Variants in RORA observed in about 807,000 individuals in gnomAD.
RORA encodes RAR related orphan receptor A.
In RORA, 7 loss-of-function variants were observed where a neutral mutation model predicts 69.5. The observed-to-expected ratio is 0.10, with a 90% CI of 0.06 to 0.19. The LOEUF (loss-of-function observed/expected upper bound fraction) is 0.19, where lower values mean the gene tolerates loss of function less well. Ranked by LOEUF, RORA falls within the 10% of genes least tolerant of loss-of-function variation. The probability of loss-of-function intolerance (pLI) is 1.00; values close to 1 mark genes in which losing one functional copy is unlikely to be tolerated. For missense variants in RORA, 457 were observed against 663.0 expected (o/e 0.69, Z 3.41); for synonymous variants, 261 against 240.8 (o/e 1.08, Z -0.78).
At chr15:60,988,257 G>C (rs1894269439) in intron 1 of RORA, among the ~76,000 whole-genome samples, 1 of 152,208 alleles carries the variant, frequency 6.6e-6, no homozygotes, top group Non-Finnish European at 1.5e-5. Context: ...GCAAGTGACA[G>C]ATTACCTAAT....
intron 1 of RORA, among the ~76,000 whole-genome samples, chr15:60,736,191 T>C (rs979140516): frequency 6.6e-6 from 1 of 152,202 alleles, no homozygotes; most frequent in African/African-American, 2.4e-5. Flanking sequence ...TCTCCTTTTT[T>C]TCCCCTGGTC....
intron 1 of RORA, among the ~76,000 whole-genome samples, chr15:60,933,516 A>G (rs1343793001): frequency 1.3e-5 from 2 of 152,152 alleles, no homozygotes; most frequent in African/African-American, 4.8e-5. Context: ...GATCTCTCAC[A>G]TCACAGTTTG....
intron 1 of RORA, among the ~76,000 whole-genome samples, chr15:61,206,606 C>T (rs1368868321): frequency 6.6e-6 from 1 of 152,186 alleles, no homozygotes; most frequent in African/African-American, 2.4e-5. Flanking sequence ...GACCACCAAA[C>T]AAGATATGGC....
intron 2 of RORA, among the ~76,000 whole-genome samples, chr15:60,563,211 C>T (rs762746285): frequency 6.6e-6 from 1 of 152,170 alleles, no homozygotes; most frequent in African/African-American, 2.4e-5. Flanking sequence ...CAAATATTTG[C>T]TTAGCATCCA....
At chr15:61,156,159 C>A (rs1219192833) in intron 1 of RORA, among the ~76,000 whole-genome samples, 1 of 152,032 alleles carries the variant, frequency 6.6e-6, no homozygotes, top group Non-Finnish European at 1.5e-5. Context: ...CTTGTCACTT[C>A]TCTTTCTTTT....
intron 2 of RORA, among the ~76,000 whole-genome samples, chr15:60,629,385 C>T (rs2069680981): frequency 6.6e-6 from 1 of 151,746 alleles, no homozygotes; most frequent in African/African-American, 2.4e-5. Context: ...CGAGGTTTTG[C>T]CATGTTGGCC....
intron 1 of RORA, among the ~76,000 whole-genome samples, chr15:61,069,202 C>T (rs1480125258): frequency 6.6e-6 from 1 of 152,154 alleles, no homozygotes; most frequent in Admixed American, 6.5e-5. Context: ...AGAATCTAAG[C>T]ACTTATGTAA....
At chr15:60,951,931 C>T (rs1313369929) in intron 1 of RORA, among the ~76,000 whole-genome samples, 1 of 150,628 alleles carries the variant, frequency 6.6e-6, no homozygotes. Context: ...TCCTCCCTAA[C>T]TCATTTTATG....
chr15:61,033,637 A>T lies in RORA; in HGVS notation c.166+195416T>A, dbSNP rs575881036. 2.0e-5 allele frequency among the ~76,000 whole-genome samples: 3 copies of T among 152,180 alleles called. No homozygotes were observed. In the East Asian group the frequency reaches 5.8e-4, roughly 29 times the overall value. ...CTTATTCAAGTATTATTTACTTGCT[A>T]TGGTGTCCAATTTGGTCGCCACCAA... On this transcript the variant is annotated intron_variant, in intron 1 of 10. Transcript: ENST00000335670.
At chr15:61,182,888 C>A (rs1221797871) in intron 1 of RORA, 1 of 152,332 alleles carries the variant, frequency 6.6e-6, no homozygotes, top group Non-Finnish European at 1.5e-5. Flanking sequence ...TGCCAGAGAA[C>A]CCAAATTGGG....
intron 1 of RORA, among the ~76,000 whole-genome samples, chr15:61,162,184 G>A (rs1019777440): frequency 1.3e-5 from 2 of 152,074 alleles, no homozygotes; most frequent in Admixed American, 6.6e-5. Context: ...GATCTGTAAC[G>A]AATGTTCTTT....
chr15:61,025,771 G>A (rs1180677240), intron 1 of RORA, among the ~76,000 whole-genome samples: 4 of 152,144 alleles, frequency 2.6e-5, no homozygotes, highest in Non-Finnish European at 4.4e-5. Flanking sequence ...AAGTTTGGAA[G>A]GAAAAAATAA....
At chr15:60,937,621 A>T (rs968105152) in intron 1 of RORA, among the ~76,000 whole-genome samples, 1 of 152,174 alleles carries the variant, frequency 6.6e-6, no homozygotes, top group African/African-American at 2.4e-5. Flanking sequence ...CCAGACTCCA[A>T]CTTGGGTCTT....
In RORA at chr15:61,219,518, T is replaced by C. The variant is rs145421406; in HGVS notation, c.166+9535A>G. Among the ~76,000 whole-genome samples the C allele has an allele frequency of 2.5e-3, 382 of 151,984 alleles. 3 individuals carry two copies. Among genetic ancestry groups the C allele is most frequent in the African/African-American group, 9.0e-3 (371 of 41,432 alleles). On this transcript the variant is annotated intron_variant, in intron 1 of 10. Transcript: ENST00000335670. Reference sequence around the variant, plus strand: ...TGAACCCAGGAGGCGGAGCTTGCAGTGAGCAGACATCACGCCACTGCACTC... The same window carrying C: ...TGAACCCAGGAGGCGGAGCTTGCAGCGAGCAGACATCACGCCACTGCACTC...
chr15:61,030,011 CCT>C (rs1335683798), intron 1 of RORA, among the ~76,000 whole-genome samples: 1 of 152,042 alleles, frequency 6.6e-6, no homozygotes, highest in Non-Finnish European at 1.5e-5. Context: ...TCTGAGGAGC[CCT>C]GACACTTCAT....
Position 60,976,157 on chromosome 15 carries a change from G to C in RORA, c.166+252896C>G, listed in dbSNP as rs532567325. Among the ~76,000 whole-genome samples the C allele has an allele frequency of 4.6e-5, 7 of 152,312 alleles. No individual in the cohort carries two copies. The East Asian group carries it at 1.2e-3, about 25-fold the overall frequency. On this transcript the variant is annotated intron_variant, in intron 1 of 10. Transcript: ENST00000335670. Reference sequence around the variant, plus strand: ...TAATGAGATTGCTGAGCCGTGGCTCGGAGTGCGTGGGCCTGGCCAGGTGGA... The same window carrying C: ...TAATGAGATTGCTGAGCCGTGGCTCCGAGTGCGTGGGCCTGGCCAGGTGGA...
intron 1 of RORA, among the ~76,000 whole-genome samples, chr15:61,177,478 G>A (rs187533670): frequency 1.4e-3 from 213 of 152,274 alleles, no homozygotes; most frequent in Non-Finnish European, 2.4e-3. Context: ...CTAAGATGTG[G>A]TTGCACACAT....
At chr15:61,200,908 G>A (rs1567035161) in intron 1 of RORA, among the ~76,000 whole-genome samples, 1 of 152,116 alleles carries the variant, frequency 6.6e-6, no homozygotes, top group African/African-American at 2.4e-5. Flanking sequence ...GAATTAAATT[G>A]ACGGTCCCAG....
chr15:61,121,950 T>A (rs546645022), intron 1 of RORA, among the ~76,000 whole-genome samples: 1 of 152,222 alleles, frequency 6.6e-6, no homozygotes, highest in East Asian at 1.9e-4. Context: ...TAGAATAATG[T>A]CATCTAGTGT....
Sources: allele counts gnomAD v4.1 joint callset (sites outside exome capture counted in the v4.1 genomes callset), GRCh38; gene constraint gnomAD v4.1.1; transcripts MANE v1.5; gene names NCBI Gene and HGNC (gene_info 2026-07-23, HGNC 2026-07-21).